The following HDAC9 variants were observed in gnomAD, a reference collection of about 807,000 sequenced individuals.
The protein encoded by HDAC9 is histone deacetylase 9.
Under a neutral mutation model 139.4 loss-of-function variants are expected in HDAC9, and 41 were observed. That is an observed-to-expected ratio of 0.29 (90% CI 0.23 to 0.38). HDAC9 has a LOEUF of 0.38. Among genes scored for constraint, HDAC9 ranks in the 10% least tolerant of loss-of-function variants. The probability of loss-of-function intolerance (pLI) is 1.00; values close to 1 mark genes in which losing one functional copy is unlikely to be tolerated. For missense variants in HDAC9, 1,147 were observed against 1,297.0 expected (o/e 0.88, Z 1.78); for synonymous variants, 517 against 476.2 (o/e 1.09, Z -1.12).
chr7:18,393,136 T>A (rs531252981), intron 1 of HDAC9, among the ~76,000 whole-genome samples: 284 of 149,806 alleles, frequency 1.9e-3, no homozygotes, highest in African/African-American at 6.5e-3. Context: ...TTTTTTTTTT[T>A]TAAAAAAACA....
chr7:18,904,803 C>T (rs551721321), intron 22 of HDAC9, among the ~76,000 whole-genome samples: 1 of 152,150 alleles, frequency 6.6e-6, no homozygotes, highest in South Asian at 2.1e-4. Flanking sequence ...TCTCGATCTC[C>T]TGACCTCGTG....
chr7:18,319,566 A>G (rs1172987229), intron 1 of HDAC9, among the ~76,000 whole-genome samples: 1 of 152,254 alleles, frequency 6.6e-6, no homozygotes, highest in African/African-American at 2.4e-5. Flanking sequence ...TGGAATGAGA[A>G]ATTGCCATTG....
chr7:18,091,353 G>A (rs1782132900), intron 1 of HDAC9, among the ~76,000 whole-genome samples: 1 of 152,182 alleles, frequency 6.6e-6, no homozygotes. Context: ...CATTGAGGTT[G>A]CTGGAAATGG....
chr7:18,577,998 C>T (rs901884470), intron 2 of HDAC9, among the ~76,000 whole-genome samples: 6 of 152,154 alleles, frequency 3.9e-5, no homozygotes, highest in East Asian at 3.9e-4. Flanking sequence ...TCCCCACTCA[C>T]GCCCCCACTT....
intron 6 of HDAC9, among the ~76,000 whole-genome samples, chr7:18,619,939 T>C (rs530130524): frequency 6.6e-6 from 1 of 152,118 alleles, no homozygotes; most frequent in Non-Finnish European, 1.5e-5. Flanking sequence ...ATGTCTGCCT[T>C]TCAGCCACAA....
chr7:18,720,625 A>C (rs1033967719), intron 12 of HDAC9, among the ~76,000 whole-genome samples: 1 of 149,052 alleles, frequency 6.7e-6, no homozygotes, highest in Non-Finnish European at 1.5e-5. Context: ...ACTTTACCTT[A>C]GTAAAAAAAA....
At chr7:18,140,288 T>A (rs531179623) in intron 1 of HDAC9, among the ~76,000 whole-genome samples, 99 of 152,262 alleles carry the variant, frequency 6.5e-4, no homozygotes, top group African/African-American at 2.3e-3. Context: ...GGATATGGCC[T>A]CCATCCCATG....
chr7:18,976,292 C>T (rs1465606087), intron 25 of HDAC9, among the ~76,000 whole-genome samples: 1 of 152,202 alleles, frequency 6.6e-6, no homozygotes, highest in Non-Finnish European at 1.5e-5. Flanking sequence ...CTAGTTATCT[C>T]TGTTTTTCCA....
chr7:18,585,645 GA>G, intron 3 of HDAC9, 123 bp downstream of exon 3: 1 of 1,238,598 alleles, frequency 8.1e-7, no homozygotes, highest in Non-Finnish European at 1.1e-6. Context: ...TATATGGCTT[GA>G]AGGGAATTGT....
At chr7:18,911,820 T>G (rs1055396817) in intron 22 of HDAC9, among the ~76,000 whole-genome samples, 1 of 152,052 alleles carries the variant, frequency 6.6e-6, no homozygotes, top group African/African-American at 2.4e-5. Flanking sequence ...ATTCCTCTTG[T>G]TATTGATTTC....
chr7:18,675,277 G>A (rs1045738270), intron 12 of HDAC9, among the ~76,000 whole-genome samples: 12 of 152,104 alleles, frequency 7.9e-5, no homozygotes, highest in Middle Eastern at 3.4e-3. Context: ...GCCTCGTACG[G>A]TAATATTGAT....
chr7:18,641,185 C>T (rs559671082), intron 8 of HDAC9, among the ~76,000 whole-genome samples: 3 of 152,196 alleles, frequency 2.0e-5, no homozygotes, highest in South Asian at 4.1e-4. Context: ...GCATAATGTT[C>T]CAGTCCATGT....
At position 18,535,000 on chromosome 7, in the gene HDAC9, G is replaced by T. The variant is rs1030008290; in HGVS notation, c.22+38676G>T. On this transcript the variant is annotated intron_variant, in intron 2 of 25. Transcript: ENST00000686413. ...CACTCGTCTTCCTCTGTGCCTTTCTGCAAGTTCTGAACCTCTTAGGGATTC... is the reference window on the plus strand; with the variant it reads ...CACTCGTCTTCCTCTGTGCCTTTCTTCAAGTTCTGAACCTCTTAGGGATTC... Among the ~76,000 whole-genome samples, 7 of 152,208 alleles carry T rather than the reference G, an allele frequency of 4.6e-5. No individual in the cohort carries two copies. In the South Asian group the frequency reaches 1.5e-3, roughly 32 times the overall value.
intron 1 of HDAC9, among the ~76,000 whole-genome samples, chr7:18,100,447 A>G (rs1468218789): frequency 6.6e-6 from 1 of 152,098 alleles, no homozygotes; most frequent in South Asian, 2.1e-4. Flanking sequence ...CATGTATATT[A>G]GGATCACTGA....
intron 2 of HDAC9, among the ~76,000 whole-genome samples, chr7:18,273,363 C>G (rs1285999487): frequency 6.6e-6 from 1 of 152,024 alleles, no homozygotes; most frequent in African/African-American, 2.4e-5. Context: ...ACCACTGCAG[C>G]CAGCCTAGAC....
chr7:18,998,276 G>A lies in HDAC9; in HGVS notation c.*2214G>A, dbSNP rs191580537. The A allele has an allele frequency of 3.9e-5, 6 of 152,112 alleles. No individual in the cohort carries two copies. The highest frequency in any genetic ancestry group is 5.9e-5 in the Non-Finnish European group (4 of 68,006). The allele number at this position is 152,112 out of a possible 1,614,324, so 9.4% of individuals were successfully genotyped here. A position where few individuals can be genotyped will look rare whatever the true frequency, so the allele number is the denominator to read the frequency against. ...AAATAAAACAGTGTAATGCAAACAT[G>A]CTAATTTACTAAAGTTTCCTACAAC... On this transcript the variant is annotated 3_prime_UTR_variant, in exon 26 of 26. Coordinates refer to ENST00000686413, the MANE Select transcript of HDAC9 (RefSeq NM_178425.4).
chr7:18,593,202 A>C (rs982102345), intron 5 of HDAC9, among the ~76,000 whole-genome samples: 1 of 152,136 alleles, frequency 6.6e-6, no homozygotes, highest in African/African-American at 2.4e-5. Context: ...TGTGATGGTG[A>C]TACTATGTCC....
intron 2 of HDAC9, among the ~76,000 whole-genome samples, chr7:18,540,637 A>G (rs57933966): frequency 0.039 from 5,866 of 152,274 alleles, 382 homozygotes; most frequent in African/African-American, 0.13. Flanking sequence ...ATTAAACAAA[A>G]TGAATTATGA....
intron 6 of HDAC9, among the ~76,000 whole-genome samples, chr7:18,617,122 C>G (rs1838828322): frequency 6.6e-6 from 1 of 152,076 alleles, no homozygotes; most frequent in Non-Finnish European, 1.5e-5. Context: ...CTTATCGTGC[C>G]TACTGTTTTA....
Sources: allele counts gnomAD v4.1 joint callset (sites outside exome capture counted in the v4.1 genomes callset), GRCh38; gene constraint gnomAD v4.1.1; transcripts MANE v1.5; gene names NCBI Gene and HGNC (gene_info 2026-07-23, HGNC 2026-07-21).